RIMS4: variants seen among roughly 807,000 people sequenced by gnomAD.
RIMS4 encodes regulating synaptic membrane exocytosis protein 4.
In RIMS4, 9 loss-of-function variants were observed where a neutral mutation model predicts 29.0. The observed-to-expected ratio is 0.31, with a 90% CI of 0.19 to 0.54. The LOEUF (loss-of-function observed/expected upper bound fraction) is 0.54. Among genes scored for constraint, RIMS4 ranks in the 20% least tolerant of loss-of-function variants. RIMS4 has a pLI of 0.94. For synonymous variants in RIMS4, 130 were observed against 152.9 expected (o/e 0.85, Z 1.10); for missense variants, 193 against 365.7 (o/e 0.53, Z 3.85).
chr20:44,789,920 C>G (rs1468699237), intron 1 of RIMS4, among the ~76,000 whole-genome samples: 1 of 152,216 alleles, frequency 6.6e-6, no homozygotes, highest in East Asian at 1.9e-4. Flanking sequence ...GTTGAGCTGC[C>G]TGTCAACAGA....
At chr20:44,801,824 T>C (rs760044736) in intron 1 of RIMS4, among the ~76,000 whole-genome samples, 10 of 152,114 alleles carry the variant, frequency 6.6e-5, no homozygotes, top group Non-Finnish European at 1.5e-4. Context: ...CTGAAGACCA[T>C]ACCCAGGACT....
chr20:44,808,028 G>C (rs2066306504), intron 1 of RIMS4, among the ~76,000 whole-genome samples: 1 of 151,828 alleles, frequency 6.6e-6, no homozygotes, highest in African/African-American at 2.4e-5. Flanking sequence ...CCTGATTTTA[G>C]TCTCAGCTCT....
rs1211050136 is a variant in RIMS4 at position 44,753,956 on chromosome 20, C to G, written c.*2178G>C. ...AAGGGCTCAGGCTGTCAGGGCCAAG[C>G]CCCTGCTCCCCCTGGTTGGGACAGC... On this transcript the variant is annotated 3_prime_UTR_variant, in exon 6 of 6. Transcript: ENST00000372851. The G allele has an allele frequency of 6.6e-6, 1 of 152,598 alleles. No homozygotes were observed. The allele number at this position is 152,598 out of a possible 1,614,324, so 9.5% of individuals were successfully genotyped here.
At chr20:44,772,989 CTG>C (rs1012462403) in intron 1 of RIMS4, among the ~76,000 whole-genome samples, 3 of 151,964 alleles carry the variant, frequency 2.0e-5, no homozygotes, top group Middle Eastern at 3.4e-3. Context: ...TACAAACACT[CTG>C]TTTCTCAGAA....
At chr20:44,809,349 C>A (rs967016002) in intron 1 of RIMS4, among the ~76,000 whole-genome samples, 1 of 152,016 alleles carries the variant, frequency 6.6e-6, no homozygotes, top group Non-Finnish European at 1.5e-5. Flanking sequence ...GTCCCAGGGC[C>A]CTAAAGAGTA....
At chr20:44,776,115 C>G (rs1360326736) in intron 1 of RIMS4, among the ~76,000 whole-genome samples, 3 of 151,888 alleles carry the variant, frequency 2.0e-5, no homozygotes, top group African/African-American at 7.3e-5. Flanking sequence ...CCCACCTCTA[C>G]AAAGAAAAAA....
At position 44,805,951 on chromosome 20, in the gene RIMS4, G is replaced by C. The variant is rs377186163; in HGVS notation, c.97+4224C>G. On this transcript the variant is annotated intron_variant, in intron 1 of 5. Coordinates refer to ENST00000372851, the MANE Select transcript of RIMS4 (RefSeq NM_182970.4). ...TCCCCTCTGTCCAAAAATGGGGAGC[G>C]GGGCGCTGTGGTACTAGTTTTTGGA... Among the ~76,000 whole-genome samples the C allele has an allele frequency of 1.6e-4, 24 of 152,266 alleles. No individual in the cohort carries two copies. The East Asian group carries it at 4.6e-3, about 29-fold the overall frequency.
chr20:44,780,364 T>C (rs996666814), intron 1 of RIMS4, among the ~76,000 whole-genome samples: 1 of 152,228 alleles, frequency 6.6e-6, no homozygotes, highest in Non-Finnish European at 1.5e-5. Flanking sequence ...TGGTGCTGAC[T>C]GAGCACAGAG....
chr20:44,768,493 T>G (rs2066123320), intron 2 of RIMS4, among the ~76,000 whole-genome samples: 1 of 152,186 alleles, frequency 6.6e-6, no homozygotes, highest in South Asian at 2.1e-4. Flanking sequence ...GAGCCCGGCA[T>G]TTGGGCCAAA....
At chr20:44,769,149 A>C (rs1050964548) in intron 2 of RIMS4, among the ~76,000 whole-genome samples, 1 of 151,778 alleles carries the variant, frequency 6.6e-6, no homozygotes, top group Non-Finnish European at 1.5e-5. Flanking sequence ...CTGTAATTAG[A>C]CTCTCTGGTC....
chr20:44,757,096 G>C (rs1417014174), intron 4 of RIMS4, 59 bp from the exon 5 acceptor site: 6 of 1,573,398 alleles, frequency 3.8e-6, no homozygotes, highest in African/African-American at 1.4e-5. Context: ...GTGGGCAAAG[G>C]GTGCAACAGA....
At chr20:44,777,009 C>T (rs748151024) in intron 1 of RIMS4, among the ~76,000 whole-genome samples, 5 of 152,202 alleles carry the variant, frequency 3.3e-5, no homozygotes, top group Non-Finnish European at 5.9e-5. Flanking sequence ...CATCCCAGAA[C>T]TCAAATGCCA....
intron 1 of RIMS4, among the ~76,000 whole-genome samples, chr20:44,800,889 G>A (rs1054329556): frequency 5.3e-5 from 8 of 152,220 alleles, no homozygotes; most frequent in African/African-American, 9.6e-5. Context: ...CTAGACCAGA[G>A]CGAGGAGGCC....
At chr20:44,757,375 A>C (rs1568893385) in intron 4 of RIMS4, among the ~76,000 whole-genome samples, 1 of 151,808 alleles carries the variant, frequency 6.6e-6, no homozygotes, top group Admixed American at 6.6e-5. Context: ...ACCAAGCCTG[A>C]GCACCTACTG....
At position 44,809,129 on chromosome 20, in the gene RIMS4, CAG is replaced by C. The variant is rs200009428; in HGVS notation, c.97+1044_97+1045del. On this transcript the variant is annotated intron_variant, in intron 1 of 5. Coordinates refer to ENST00000372851, the MANE Select transcript of RIMS4 (RefSeq NM_182970.4). Reference sequence around the variant, plus strand: ...TGCATCGATACGATGATCCCCATTTCAGAGATGAGGAAATCCAGGCTCAGAGG... The same window carrying C: ...TGCATCGATACGATGATCCCCATTTCAGATGAGGAAATCCAGGCTCAGAGG... Among the ~76,000 whole-genome samples, 14 of 152,302 alleles carry C rather than the reference CAG, an allele frequency of 9.2e-5. No individual in the cohort carries two copies. In the East Asian group the frequency reaches 2.5e-3, roughly 27 times the overall value.
In RIMS4 at chr20:44,799,432, T is replaced by C. The variant is rs764341381; in HGVS notation, c.97+10743A>G. ...AGAAGCTGGGCACAAATGGTAAGTT[T>C]CCTGAGGCCAGATGGCTCGGGGGTG... On this transcript the variant is annotated intron_variant, in intron 1 of 5. Transcript: ENST00000372851. Among the ~76,000 whole-genome samples the C allele has an allele frequency of 0.01, 1,568 of 152,266 alleles. 68 individuals are homozygous for C. In the East Asian group the frequency reaches 0.11, roughly 11 times the overall value.
At chr20:44,804,302 T>A (rs1383180696) in intron 1 of RIMS4, among the ~76,000 whole-genome samples, 1 of 152,184 alleles carries the variant, frequency 6.6e-6, no homozygotes, top group Non-Finnish European at 1.5e-5. Context: ...TTAACCCTTT[T>A]TTTCCAGATG....
intron 1 of RIMS4, among the ~76,000 whole-genome samples, chr20:44,785,603 T>C (rs1209956233): frequency 1.3e-5 from 2 of 152,276 alleles, no homozygotes; most frequent in East Asian, 3.9e-4. Flanking sequence ...AGAAAAAGCC[T>C]TGGCAGGGAG....
intron 1 of RIMS4, among the ~76,000 whole-genome samples, chr20:44,789,666 G>A (rs1345918201): frequency 5.3e-5 from 8 of 151,886 alleles, no homozygotes; most frequent in African/African-American, 1.9e-4. Context: ...AGCAATCGTC[G>A]TACGTCAGCC....
Sources: allele counts gnomAD v4.1 joint callset (sites outside exome capture counted in the v4.1 genomes callset), GRCh38; gene constraint gnomAD v4.1.1; transcripts MANE v1.5; gene names NCBI Gene and HGNC (gene_info 2026-07-23, HGNC 2026-07-21).